The following IFNA14 variants were observed in gnomAD, a reference collection of about 807,000 sequenced individuals.
IFNA14 encodes the protein interferon alpha-14.
For synonymous variants in IFNA14, 113 were observed against 76.8 expected (o/e 1.47, Z -2.46); for missense variants, 337 against 214.9 (o/e 1.57, Z -3.55).
Position 21,239,207 on chromosome 9 carries a change from A to T in IFNA14, c.*159T>A. The stretch of plus-strand genomic sequence containing the variant: ...ATCTGTAAAGGACTAGTGCCTGCAC[A>T]GGTATACATGATGCTTCTTTACACT... On this transcript the variant is annotated 3_prime_UTR_variant, in exon 1 of 1. Coordinates refer to ENST00000380222, the MANE Select transcript of IFNA14 (RefSeq NM_002172.3). 1 of 1,181,902 alleles carries T rather than the reference A, an allele frequency of 8.5e-7. No individual in the cohort carries two copies. Among genetic ancestry groups the T allele is most frequent in the Non-Finnish European group, 1.2e-6 (1 of 842,988 alleles). The allele number at this position is 1,181,902 out of a possible 1,614,324, so 73.2% of individuals were successfully genotyped here.
At position 21,239,458 on chromosome 9, in the gene IFNA14, T is replaced by G; in HGVS notation, c.478A>C (p.Ser160Arg). ...ITLYLMEKKYSPCAWEVVRAE... is the reference protein window; with the variant it reads ...ITLYLMEKKYRPCAWEVVRAE... Reference sequence around the variant, plus strand: ...CTGACAACCTCCCAGGCACAAGGGCTGTATTTCTTCTCCATCAGATAAAGA... The same window carrying G: ...CTGACAACCTCCCAGGCACAAGGGCGGTATTTCTTCTCCATCAGATAAAGA... The change falls in exon 1 of 1, where the codon AGC (serine) becomes CGC (arginine). Residue 160 changes from serine (S) to arginine (R), a missense_variant. By Grantham distance (110) the Ser-to-Arg change is moderately radical. Coordinates refer to ENST00000380222, the MANE Select transcript of IFNA14 (RefSeq NM_002172.3). 1 of 1,614,196 alleles carries G rather than the reference T, an allele frequency of 6.2e-7. No homozygotes were observed. Among genetic ancestry groups the G allele is most frequent in the Non-Finnish European group, 8.5e-7 (1 of 1,180,030 alleles).
Position 21,239,661 on chromosome 9 carries a change from C to G in IFNA14, c.275G>C (p.Ser92Thr), listed in dbSNP as rs369363030. 3.7e-6 allele frequency: 6 copies of G among 1,613,802 alleles called. No homozygotes were observed. Among genetic ancestry groups the G allele is most frequent in the Non-Finnish European group, 5.1e-6 (6 of 1,179,924 alleles). Residue 92 changes from serine to threonine, a missense_variant, in exon 1 of 1, where the codon AGC becomes ACC. Transcript: ENST00000380222. ...EMMQQTFNLF[S>T]TKNSSAAWDE... ...CCAAGCAGCAGATGAGTTCTTTGTG[C>G]TGAAGAGATTGAAGGTCTGCTGCAT... is the stretch of plus-strand genomic sequence containing the variant.
chr9:21,239,539 G>C lies in IFNA14; in HGVS notation c.397C>G (p.Pro133Ala), dbSNP rs147012679. The change falls in exon 1 of 1, where the codon CCC becomes GCC. Residue 133 changes from proline to alanine, a missense_variant. By Grantham distance (27) the Pro-to-Ala change is conservative. Coordinates refer to ENST00000380222, the MANE Select transcript of IFNA14 (RefSeq NM_002172.3). ...VIQEVGVEETPLMNEDSILAV... is the reference protein window; with the variant it reads ...VIQEVGVEETALMNEDSILAV... ...AGGATGGAGTCCTCATTCATCAGGG[G>C]AGTCTCTTCCACCCCAACCTCCTGT... is the stretch of plus-strand genomic sequence containing the variant. 1.7e-4 allele frequency: 281 copies of C among 1,613,972 alleles called. No homozygotes were observed. Among genetic ancestry groups the C allele is most frequent in the Non-Finnish European group, 2.2e-4 (265 of 1,180,018 alleles).
Position 21,239,214 on chromosome 9 carries a change from C to T in IFNA14, c.*152G>A. The stretch of plus-strand genomic sequence containing the variant: ...AAGGACTAGTGCCTGCACAGGTATA[C>T]ATGATGCTTCTTTACACTCCTGAAA... On this transcript the variant is annotated 3_prime_UTR_variant, in exon 1 of 1. Transcript: ENST00000380222. 5.3e-6 allele frequency: 7 copies of T among 1,312,420 alleles called. No individual in the cohort carries two copies. The highest frequency in any genetic ancestry group is 1.5e-5 in the South Asian group (1 of 68,686). The allele number at this position is 1,312,420 out of a possible 1,614,324, so 81.3% of individuals were successfully genotyped here.
Position 21,239,685 on chromosome 9 carries a change from A to G in IFNA14, c.251T>C (p.Met84Thr). 6.2e-7 allele frequency: 1 copy of G among 1,614,092 alleles called. No homozygotes were observed. Among genetic ancestry groups the G allele is most frequent in the Non-Finnish European group, 8.5e-7 (1 of 1,179,976 alleles). The change falls in exon 1 of 1, where the codon ATG becomes ACG. Residue 84 changes from methionine (M) to threonine (T), a missense_variant. Coordinates refer to ENST00000380222, the MANE Select transcript of IFNA14 (RefSeq NM_002172.3). Reference sequence around the variant, plus strand: ...GCTGAAGAGATTGAAGGTCTGCTGCATCATCTCATGGAGGACAGAGATGGC... The same window carrying G: ...GCTGAAGAGATTGAAGGTCTGCTGCGTCATCTCATGGAGGACAGAGATGGC... The part of the protein sequence containing the change: ...AQAISVLHEM[M>T]QQTFNLFSTK...
chr9:21,239,509 C>A lies in IFNA14; in HGVS notation c.427G>T (p.Val143Leu). The change falls in exon 1 of 1, where the codon GTG becomes TTG. Residue 143 changes from valine (V) to leucine (L), a missense_variant. Coordinates refer to ENST00000380222, the MANE Select transcript of IFNA14 (RefSeq NM_002172.3). ...PLMNEDSILA[V>L]KKYFQRITLY... ...GTGATTCTTTGGAAGTATTTCTTCA[C>A]AGCCAGGATGGAGTCCTCATTCATC... is the stretch of plus-strand genomic sequence containing the variant. 6.2e-7 allele frequency: 1 copy of A among 1,614,136 alleles called. No individual in the cohort carries two copies. Among genetic ancestry groups the A allele is most frequent in the Middle Eastern group, 1.6e-4 (1 of 6,062 alleles).
Position 21,239,108 on chromosome 9 carries a change from A to T in IFNA14, c.*258T>A, listed in dbSNP as rs1587922618. 5.2e-6 allele frequency: 1 copy of T among 193,604 alleles called. No individual in the cohort carries two copies. The highest frequency in any genetic ancestry group is 1.9e-4 in the South Asian group (1 of 5,372). The allele number at this position is 193,604 out of a possible 1,614,324, so 12.0% of individuals were successfully genotyped here. A position where few individuals can be genotyped will look rare whatever the true frequency, so the allele number is the denominator to read the frequency against. Reference sequence around the variant, plus strand: ...AGGTACACATGATATTACATAAAAAATAATTTAAATAATAAAAATAGTTAA... The same window carrying T: ...AGGTACACATGATATTACATAAAAATTAATTTAAATAATAAAAATAGTTAA... On this transcript the variant is annotated 3_prime_UTR_variant, in exon 1 of 1. Coordinates refer to ENST00000380222, the MANE Select transcript of IFNA14 (RefSeq NM_002172.3).
chr9:21,239,151 T>C lies in IFNA14; in HGVS notation c.*215A>G, dbSNP rs1818843160. 2 of 366,544 alleles carry C rather than the reference T, an allele frequency of 5.5e-6. No homozygotes were observed. Among genetic ancestry groups the C allele is most frequent in the African/African-American group, 4.2e-5 (2 of 47,402 alleles). 22.7% of individuals were successfully genotyped at this position (366,544 alleles called of 1,614,324 possible). A position where few individuals can be genotyped will look rare whatever the true frequency, so the allele number is the denominator to read the frequency against. Reference sequence around the variant, plus strand: ...ATAGTTAAATAAATAAATATTTAAATAAATAGATGAAAGGAGACATCAGCA... The same window carrying C: ...ATAGTTAAATAAATAAATATTTAAACAAATAGATGAAAGGAGACATCAGCA... On this transcript the variant is annotated 3_prime_UTR_variant, in exon 1 of 1. Coordinates refer to ENST00000380222, the MANE Select transcript of IFNA14 (RefSeq NM_002172.3).
Position 21,239,894 on chromosome 9 carries a change from G to T in IFNA14, c.42C>A (p.Leu14=), listed in dbSNP as rs138915930. The T allele has an allele frequency of 1.2e-6, 2 of 1,614,106 alleles. No homozygotes were observed. The highest frequency in any genetic ancestry group is 2.2e-5 in the South Asian group (2 of 91,066). Residue 14 remains leucine, a synonymous_variant, in exon 1 of 1, where the codon CTC becomes CTA. Coordinates refer to ENST00000380222, the MANE Select transcript of IFNA14 (RefSeq NM_002172.3). ...CCAGAGAGCAGCTTGACTTGCAGCT[G>T]AGCACCACCAGGGCCATCATTAAAG... ...PFALMMALVV[L]SCKSSCSLGC...
chr9:21,239,295 A>C lies in IFNA14; in HGVS notation c.*71T>G, dbSNP rs1186193351. 2.4e-5 allele frequency: 38 copies of C among 1,593,082 alleles called. No individual in the cohort carries two copies. Among genetic ancestry groups the C allele is most frequent in the Non-Finnish European group, 3.1e-5 (36 of 1,174,340 alleles). ...GGTTATAGGAGAAGTGAGTCTTTGA[A>C]ATGGAAGAACTCATGAAAGTGTGAG... is the stretch of plus-strand genomic sequence containing the variant. On this transcript the variant is annotated 3_prime_UTR_variant, in exon 1 of 1. Coordinates refer to ENST00000380222, the MANE Select transcript of IFNA14 (RefSeq NM_002172.3).
At position 21,239,534 on chromosome 9, in the gene IFNA14, C is replaced by T. The variant is rs751709139; in HGVS notation, c.402G>A (p.Leu134=). 55 of 1,613,968 alleles carry T rather than the reference C, an allele frequency of 3.4e-5. No homozygotes were observed. Among genetic ancestry groups the T allele is most frequent in the Non-Finnish European group, 4.1e-5 (48 of 1,180,020 alleles). Residue 134 remains leucine (L), a synonymous_variant, in exon 1 of 1, where the codon CTG becomes CTA. Coordinates refer to ENST00000380222, the MANE Select transcript of IFNA14 (RefSeq NM_002172.3). The part of the protein sequence containing the change: ...IQEVGVEETP[L]MNEDSILAVK... ...CAGCCAGGATGGAGTCCTCATTCAT[C>T]AGGGGAGTCTCTTCCACCCCAACCT...
Position 21,239,928 on chromosome 9 carries a change from A to C in IFNA14, c.8T>G (p.Leu3Trp), listed in dbSNP as rs1818863896. 6.2e-7 allele frequency: 1 copy of C among 1,614,010 alleles called. No individual in the cohort carries two copies. Among genetic ancestry groups the C allele is most frequent in the Non-Finnish European group, 8.5e-7 (1 of 1,179,912 alleles). MALPFALMMALVV... is the reference protein window; with the variant it reads MAWPFALMMALVV... ...CAGGGCCATCATTAAAGCAAAGGGC[A>C]ATGCCATTGGGAATCCCGAAGATGC... The change falls in exon 1 of 1, where the codon TTG (leucine) becomes TGG (tryptophan). Residue 3 changes from leucine to tryptophan, a missense_variant. By Grantham distance (61) the Leu-to-Trp change is moderately conservative. Coordinates refer to ENST00000380222, the MANE Select transcript of IFNA14 (RefSeq NM_002172.3).
At position 21,239,386 on chromosome 9, in the gene IFNA14, T is replaced by C; in HGVS notation, c.550A>G (p.Arg184Gly). The change falls in exon 1 of 1, where the codon AGA becomes GGA. Residue 184 changes from arginine to glycine, a missense_variant. Transcript: ENST00000380222. ...SLSFSTNLQK[R>G]LRRKD is the part of the protein sequence containing the mutation. ...AGTTTTCAATCCTTCCTCCTTAATC[T>C]TTTTTGCAAGTTTGTTGAAAAAGAG... is the stretch of plus-strand genomic sequence containing the variant. The C allele has an allele frequency of 6.2e-7, 1 of 1,614,052 alleles. No individual in the cohort carries two copies. The highest frequency in any genetic ancestry group is 1.3e-5 in the African/African-American group (1 of 75,034).
the IFNA14 span, chr9:21,239,728 G>A: frequency 6.2e-7 from 1 of 1,614,106 alleles, no homozygotes; most frequent in Non-Finnish European, 8.5e-7. Context: ...TTCTGGAACT[G>A]GTTGCCATCA....
In IFNA14 at chr9:21,239,081, A is replaced by G. The variant is rs188767531; in HGVS notation, c.*285T>C. ...ATATTTGTTATATTAACCACAATGT[A>G]AAGGTACACATGATATTACATAAAA... On this transcript the variant is annotated 3_prime_UTR_variant, in exon 1 of 1. Coordinates refer to ENST00000380222, the MANE Select transcript of IFNA14 (RefSeq NM_002172.3). 6.7e-3 allele frequency: 1,112 copies of G among 164,926 alleles called. 10 individuals are homozygous for G. Among genetic ancestry groups the G allele is most frequent in the African/African-American group, 0.025 (1,055 of 41,864 alleles). 10.2% of individuals were successfully genotyped at this position (164,926 alleles called of 1,614,324 possible). A position where few individuals can be genotyped will look rare whatever the true frequency, so the allele number is the denominator to read the frequency against.
rs1248564783 is a variant in IFNA14, at chr9:21,239,286, A to G, written c.*80T>C. ...ACTTGTGGTGGTTATAGGAGAAGTG[A>G]GTCTTTGAAATGGAAGAACTCATGA... On this transcript the variant is annotated 3_prime_UTR_variant, in exon 1 of 1. Coordinates refer to ENST00000380222, the MANE Select transcript of IFNA14 (RefSeq NM_002172.3). 6.3e-7 allele frequency: 1 copy of G among 1,590,240 alleles called. No individual in the cohort carries two copies. Among genetic ancestry groups the G allele is most frequent in the East Asian group, 2.2e-5 (1 of 44,770 alleles).
At position 21,239,553 on chromosome 9, in the gene IFNA14, C is replaced by T. The variant is rs28383770; in HGVS notation, c.383G>A (p.Gly128Glu). 6,415 of 1,614,054 alleles carry T rather than the reference C, an allele frequency of 4.0e-3. 9 individuals carry two copies. The highest frequency in any genetic ancestry group is 4.9e-3 in the Non-Finnish European group (5,817 of 1,179,990). Residue 128 changes from glycine to glutamate, a missense_variant, in exon 1 of 1, where the codon GGG becomes GAG. Coordinates refer to ENST00000380222, the MANE Select transcript of IFNA14 (RefSeq NM_002172.3). ...DLEACVIQEV[G>E]VEETPLMNED... is the part of the protein sequence containing the mutation. Reference sequence around the variant, plus strand: ...ATTCATCAGGGGAGTCTCTTCCACCCCAACCTCCTGTATCACACAGGCTTC... The same window carrying T: ...ATTCATCAGGGGAGTCTCTTCCACCTCAACCTCCTGTATCACACAGGCTTC...
Position 21,239,446 on chromosome 9 carries a change from A to T in IFNA14, c.490T>A (p.Trp164Arg). 1 of 1,614,116 alleles carries T rather than the reference A, an allele frequency of 6.2e-7. No individual in the cohort carries two copies. The change falls in exon 1 of 1, where the codon TGG (tryptophan) becomes AGG (arginine). Residue 164 changes from tryptophan to arginine, a missense_variant. Physicochemically the swap from Trp to Arg is moderately radical, Grantham distance 101. Coordinates refer to ENST00000380222, the MANE Select transcript of IFNA14 (RefSeq NM_002172.3). The stretch of plus-strand genomic sequence containing the variant: ...ATGATTTCTGCTCTGACAACCTCCC[A>T]GGCACAAGGGCTGTATTTCTTCTCC... ...LMEKKYSPCA[W>R]EVVRAEIMRS...
Position 21,239,868 on chromosome 9 carries a change from C to T in IFNA14, c.68G>A (p.Gly23Asp). The T allele has an allele frequency of 1.2e-6, 2 of 1,614,066 alleles. No individual in the cohort carries two copies. The highest frequency in any genetic ancestry group is 1.7e-6 in the Non-Finnish European group (2 of 1,179,990). ...GCTGTGGGTTTGAGACAGATTACAGCCCAGAGAGCAGCTTGACTTGCAGCT... is the reference window on the plus strand; with the variant it reads ...GCTGTGGGTTTGAGACAGATTACAGTCCAGAGAGCAGCTTGACTTGCAGCT... ...VLSCKSSCSL[G>D]CNLSQTHSLN... Residue 23 changes from glycine (G) to aspartate (D), a missense_variant, in exon 1 of 1, where the codon GGC (glycine) becomes GAC (aspartate). Physicochemically the swap from Gly to Asp is moderately conservative, Grantham distance 94 (BLOSUM62 -1). Transcript: ENST00000380222.
Sources: allele counts gnomAD v4.1 joint callset, GRCh38; gene constraint gnomAD v4.1.1; transcripts MANE v1.5; gene names NCBI Gene and HGNC (gene_info 2026-07-23, HGNC 2026-07-21).